Variants in COL15A1 observed in about 807,000 individuals in gnomAD.
The protein encoded by COL15A1 is collagen type XV alpha 1 chain, also known as collagen alpha-1(XV) chain.
In COL15A1, 111 loss-of-function variants were observed where a neutral mutation model predicts 165.9. The ratio of observed to expected loss-of-function variants is 0.67; its 90% CI spans 0.57 to 0.78. The LOEUF is 0.78. COL15A1 is among the 30% of genes least tolerant of loss of function. The probability of loss-of-function intolerance (pLI) is 0.00; values close to 1 mark genes in which losing one functional copy is unlikely to be tolerated. For synonymous variants in COL15A1, 659 were observed against 674.8 expected, an observed-to-expected ratio of 0.98 and a Z score of 0.36; for missense variants, 1,745 against 1,789.7, an observed-to-expected ratio of 0.98 and a Z score of 0.45.
chr9:98,974,998 T>C (rs919328143), intron 2 of COL15A1, among the ~76,000 whole-genome samples: 21 of 152,234 alleles, frequency 1.4e-4, no homozygotes, highest in African/African-American at 4.8e-4. Flanking sequence ...AACAGACCTT[T>C]CGCTTTGAGT....
chr9:98,953,551 T>C (rs1837725631), intron 2 of COL15A1, among the ~76,000 whole-genome samples: 1 of 151,850 alleles, frequency 6.6e-6, no homozygotes, highest in Non-Finnish European at 1.5e-5. Context: ...ACCAAACCCA[T>C]CCCAACCCAA....
chr9:99,023,245 C>A, intron 13 of COL15A1, 112 bp from the exon 14 acceptor site: 9 of 1,295,664 alleles, frequency 6.9e-6, no homozygotes, highest in Non-Finnish European at 9.2e-6. Flanking sequence ...CAGAAGTTAT[C>A]GGGCTATAGG....
At chr9:98,972,876 T>C (rs1838083723) in intron 2 of COL15A1, among the ~76,000 whole-genome samples, 1 of 152,186 alleles carries the variant, frequency 6.6e-6, no homozygotes, top group Admixed American at 6.5e-5. Flanking sequence ...CAAGGAAAGC[T>C]TGAAAGGCAA....
chr9:98,965,623 T>A (rs1679657211), intron 2 of COL15A1, among the ~76,000 whole-genome samples: 1 of 152,226 alleles, frequency 6.6e-6, no homozygotes, highest in Non-Finnish European at 1.5e-5. Flanking sequence ...CACTTGGCCC[T>A]TGTTTTCCTA....
At chr9:99,056,478 T>C (rs1825722065) in intron 35 of COL15A1, 74 bp downstream of exon 35, 2 of 1,507,220 alleles carry the variant, frequency 1.3e-6, no homozygotes, top group Admixed American at 4.4e-5. Context: ...TCTGGGTGGC[T>C]TGTCACAGCT....
At chr9:99,061,722 G>T (rs796634080) in intron 36 of COL15A1, among the ~76,000 whole-genome samples, 1 of 152,102 alleles carries the variant, frequency 6.6e-6, no homozygotes, top group Admixed American at 6.5e-5. Flanking sequence ...ACATAATATT[G>T]TCATTTTTGT....
intron 5 of COL15A1, 125 bp downstream of exon 5, chr9:98,989,383 C>G (rs893264839): frequency 2.6e-6 from 2 of 755,284 alleles, no homozygotes; most frequent in Non-Finnish European, 4.3e-6. Flanking sequence ...TAATCGTTGA[C>G]TCATCTGGGG....
chr9:98,969,483 C>T (rs1429182725), intron 2 of COL15A1, among the ~76,000 whole-genome samples: 1 of 152,206 alleles, frequency 6.6e-6, no homozygotes, highest in African/African-American at 2.4e-5. Context: ...CTCAGAGATC[C>T]GTCTCCTAGC....
intron 24 of COL15A1, 27 bp downstream of exon 24, chr9:99,042,134 A>G (rs7851079): frequency 0.16 from 244,143 of 1,547,278 alleles, 21,749 homozygotes; most frequent in East Asian, 0.3. Context: ...TATCTGAGTG[A>G]GATTGGGCGC....
intron 2 of COL15A1, among the ~76,000 whole-genome samples, chr9:98,972,307 G>T (rs1838071889): frequency 6.6e-6 from 1 of 152,064 alleles, no homozygotes; most frequent in Non-Finnish European, 1.5e-5. Flanking sequence ...ACGCAGGCAA[G>T]ACCCTGAAAG....
Position 99,054,632 on chromosome 9 carries a change from G to A in COL15A1, c.3007G>A (p.Asp1003Asn), listed in dbSNP as rs370574408. The A allele has an allele frequency of 1.2e-5, 19 of 1,613,010 alleles. No individual in the cohort carries two copies. Among genetic ancestry groups the A allele is most frequent in the African/African-American group, 2.7e-5 (2 of 74,770 alleles). ...TCCTGGCTCAAAGGGAGAAAAAGGCGACCAGGGAGCCCAGGGACCACCAGG... is the reference window on the plus strand; with the variant it reads ...TCCTGGCTCAAAGGGAGAAAAAGGCAACCAGGGAGCCCAGGGACCACCAGG... ...GLPGSKGEKG[D>N]QGAQGPPGPP... is the part of the protein sequence containing the mutation. The change falls in exon 32 of 42, where the codon GAC becomes AAC. Residue 1003 changes from aspartate (D) to asparagine (N), a missense_variant. By Grantham distance (23) the Asp-to-Asn change is conservative. Coordinates refer to ENST00000375001, the MANE Select transcript of COL15A1 (RefSeq NM_001855.5).
chr9:99,027,547 C>G (rs917104337), intron 16 of COL15A1, among the ~76,000 whole-genome samples: 1 of 152,032 alleles, frequency 6.6e-6, no homozygotes, highest in Non-Finnish European at 1.5e-5. Flanking sequence ...GGCTTCCCCC[C>G]ACCCACCCAC....
intron 39 of COL15A1, among the ~76,000 whole-genome samples, chr9:99,066,581 CA>C (rs777001992): frequency 1.4e-4 from 18 of 126,234 alleles, no homozygotes; most frequent in Non-Finnish European, 2.4e-4. Flanking sequence ...TTATTTGGTC[CA>C]AGCAATATTT....
At chr9:99,049,061 A>G (rs547082391) in intron 28 of COL15A1, among the ~76,000 whole-genome samples, 6 of 152,276 alleles carry the variant, frequency 3.9e-5, no homozygotes, top group Non-Finnish European at 7.4e-5. Flanking sequence ...TGACGCCTTC[A>G]TTTAGAGTGA....
chr9:98,970,218 C>T (rs142817531), intron 2 of COL15A1, among the ~76,000 whole-genome samples: 1 of 152,256 alleles, frequency 6.6e-6, no homozygotes, highest in East Asian at 1.9e-4. Context: ...CTTACCTATG[C>T]CAGGCTCTGG....
chr9:98,968,773 T>C (rs1837996139), intron 2 of COL15A1, among the ~76,000 whole-genome samples: 1 of 151,772 alleles, frequency 6.6e-6, no homozygotes, highest in African/African-American at 2.4e-5. Context: ...CTCCTGCAGT[T>C]GGGCCTGGCC....
chr9:99,037,909 G>T (rs116103766), intron 21 of COL15A1, among the ~76,000 whole-genome samples: 1 of 152,152 alleles, frequency 6.6e-6, no homozygotes, highest in African/African-American at 2.4e-5. Flanking sequence ...ACTGGCAGAG[G>T]ATAGTGCACA....
At chr9:99,058,373 A>G (rs1825759363) in intron 35 of COL15A1, among the ~76,000 whole-genome samples, 1 of 152,152 alleles carries the variant, frequency 6.6e-6, no homozygotes, top group Admixed American at 6.5e-5. Context: ...GTAGAGGTGA[A>G]GGGAAGGTCC....
At chr9:98,993,296 GCAGCTCAGTGCTGGACT>G (rs1208102198) in intron 5 of COL15A1, among the ~76,000 whole-genome samples, 7 of 152,236 alleles carry the variant, frequency 4.6e-5, no homozygotes, top group Middle Eastern at 3.2e-3. Flanking sequence ...GTGTCAGAGA[GCAGCTCAGTGCTGGACT>G]CAGCACCGGG....
Sources: allele counts gnomAD v4.1 joint callset (sites outside exome capture counted in the v4.1 genomes callset), GRCh38; gene constraint gnomAD v4.1.1; transcripts MANE v1.5; gene names NCBI Gene and HGNC (gene_info 2026-07-23, HGNC 2026-07-21).